DDX23: variants seen among roughly 807,000 people sequenced by gnomAD.
DDX23 encodes probable ATP-dependent RNA helicase DDX23.
Under a neutral mutation model 102.7 loss-of-function variants are expected in DDX23, and 33 were observed. The observed-to-expected ratio is 0.32, with a 90% CI of 0.24 to 0.43. The LOEUF is 0.43. Ranked by LOEUF, DDX23 falls within the 20% of genes least tolerant of loss-of-function variation. DDX23 has a pLI of 1.00. For missense variants in DDX23, 549 were observed against 1,086.6 expected, an observed-to-expected ratio of 0.51 and a Z score of 6.96; for synonymous variants, 352 against 376.0, an observed-to-expected ratio of 0.94 and a Z score of 0.74.
chr12:48,832,762 T>C lies in DDX23; in HGVS notation c.1804-189A>G. ...CCTGAGTACCTGCTCATCAAGGCAC[T>C]TTCCATCTTATGATGACAGGAAGGA... On this transcript the variant is annotated intron_variant, in intron 13 of 16. Transcript: ENST00000308025. This position sits in a 1 kb window ranked among gnomAD's most constrained non-coding sequence, Gnocchi z 4.4. The C allele has an allele frequency of 1.5e-6, 1 of 686,050 alleles. No homozygotes were observed. The highest frequency in any genetic ancestry group is 2.1e-5 in the South Asian group (1 of 47,442). 42.5% of individuals were successfully genotyped at this position (686,050 alleles called of 1,614,324 possible). A position where few individuals can be genotyped will look rare whatever the true frequency, so the allele number is the denominator to read the frequency against.
intron 6 of DDX23, 78 bp from the exon 7 acceptor site, chr12:48,837,735 G>A (rs781745373): frequency 1.3e-6 from 2 of 1,580,744 alleles, no homozygotes; most frequent in Non-Finnish European, 1.7e-6. Context: ...ATCCAGACGA[G>A]GAACCCCAAA....
chr12:48,834,034 C>T (rs941711854), intron 12 of DDX23, among the ~76,000 whole-genome samples: 4 of 152,168 alleles, frequency 2.6e-5, no homozygotes, highest in Non-Finnish European at 5.9e-5. Context: ...CAGCTCTGCC[C>T]ATTGCCAGCT....
In DDX23 at chr12:48,833,527, G is replaced by A; in HGVS notation, c.1561-8C>T. 5 of 1,613,252 alleles carry A rather than the reference G, an allele frequency of 3.1e-6. No individual in the cohort carries two copies. Among genetic ancestry groups the A allele is most frequent in the East Asian group, 2.2e-5 (1 of 44,896 alleles). On this transcript the variant is annotated splice_region_variant and splice_polypyrimidine_tract_variant and intron_variant, in intron 12 of 16. Transcript: ENST00000308025. ...AGGGGTAGCAATCACAATCTGAGGA[G>A]TACAGTATAATCATTTATAGCCCAG...
chr12:48,843,618 G>A (rs560615665), intron 3 of DDX23, among the ~76,000 whole-genome samples: 8 of 142,236 alleles, frequency 5.6e-5, no homozygotes, highest in Non-Finnish European at 9.0e-5. Flanking sequence ...GCGTGATCTC[G>A]ACTCACTGCA....
chr12:48,838,207 A>C, intron 5 of DDX23, 127 bp from the exon 6 acceptor site: 1 of 1,382,152 alleles, frequency 7.2e-7, no homozygotes, highest in Non-Finnish European at 9.9e-7. Flanking sequence ...GAAAACACAA[A>C]TAGGCCTTGG....
chr12:48,842,878 T>C (rs1336603069), intron 3 of DDX23, among the ~76,000 whole-genome samples: 4 of 151,984 alleles, frequency 2.6e-5, no homozygotes, highest in Non-Finnish European at 4.4e-5. Context: ...GGGGAAAAGA[T>C]TGAGAAATCG....
chr12:48,832,921 A>G lies in DDX23; in HGVS notation c.1804-348T>C. 2.3e-6 allele frequency: 1 copy of G among 443,748 alleles called. No homozygotes were observed. 27.5% of individuals were successfully genotyped at this position (443,748 alleles called of 1,614,324 possible). ...TACCTAGGCACACTTCATTCTAGAA[A>G]CATGTACTCTGAGCCCACCTAAGGC... On this transcript the variant is annotated intron_variant, in intron 13 of 16. Transcript: ENST00000308025. This position sits in a 1 kb window ranked among gnomAD's most constrained non-coding sequence, Gnocchi z 4.4.
chr12:48,844,572 C>G (rs1938630069), intron 2 of DDX23, among the ~76,000 whole-genome samples: 1 of 151,572 alleles, frequency 6.6e-6, no homozygotes, highest in Non-Finnish European at 1.5e-5. Context: ...AGCCACCGCG[C>G]CCGGCCACAG....
At chr12:48,831,975 C>T (rs2453471) in intron 15 of DDX23, 103 bp downstream of exon 15, 475,888 of 1,083,588 alleles carry the variant, frequency 0.44, 106,221 homozygotes, top group East Asian at 0.6. Context: ...GCTGGACAGG[C>T]TAAAGAAAGG....
In DDX23 at chr12:48,830,464, CTG is replaced by C; in HGVS notation, c.*3_*4del. 1.2e-6 allele frequency: 2 copies of C among 1,613,958 alleles called. No homozygotes were observed. Among genetic ancestry groups the C allele is most frequent in the Non-Finnish European group, 1.7e-6 (2 of 1,179,938 alleles). On this transcript the variant is annotated 3_prime_UTR_variant, in exon 17 of 17. Transcript: ENST00000308025. This position sits in a 1 kb window ranked among gnomAD's most constrained non-coding sequence, Gnocchi z 4.9. ...ATGCCCTCAGCCCACAGGAAGAGTGCTGTGTCAGGCAAAGATGGTCTCTTCCC... is the reference window on the plus strand; with the variant it reads ...ATGCCCTCAGCCCACAGGAAGAGTGCTGTCAGGCAAAGATGGTCTCTTCCC...
chr12:48,841,621 T>C (rs761435686), intron 3 of DDX23, among the ~76,000 whole-genome samples: 1 of 152,352 alleles, frequency 6.6e-6, no homozygotes, highest in Non-Finnish European at 1.5e-5. Context: ...CCGCCACGCC[T>C]GACTGGTTTT....
rs374159717 is a variant in DDX23, at chr12:48,836,885, A to C, written c.1010+9T>G. ...GCTCTGTCCAGCCACCCTAGCCTTG[A>C]TCACTCACTCCTCCTGCTCCTTTTC... On this transcript the variant is annotated intron_variant, in intron 9 of 16. Transcript: ENST00000308025. This position sits in a 1 kb window ranked among gnomAD's most constrained non-coding sequence, Gnocchi z 6.1. 4 of 1,613,678 alleles carry C rather than the reference A, an allele frequency of 2.5e-6. No individual in the cohort carries two copies. In the African/African-American group the frequency reaches 5.3e-5, roughly 22 times the overall value.
In DDX23 at chr12:48,836,070, C is replaced by T. The variant is rs764773936; in HGVS notation, c.1382+51G>A. 2.5e-6 allele frequency: 4 copies of T among 1,587,176 alleles called. No homozygotes were observed. The highest frequency in any genetic ancestry group is 2.3e-4 in the Middle Eastern group (1 of 4,416). Reference sequence around the variant, plus strand: ...AAATCAAACATTCATTTGCCACTTTCACCTTTCCTACCCAGACAAACCCAC... The same window carrying T: ...AAATCAAACATTCATTTGCCACTTTTACCTTTCCTACCCAGACAAACCCAC... On this transcript the variant is annotated intron_variant, in intron 11 of 16. Coordinates refer to ENST00000308025, the MANE Select transcript of DDX23 (RefSeq NM_004818.3). This position sits in a 1 kb window ranked among gnomAD's most constrained non-coding sequence, Gnocchi z 6.1.
At chr12:48,844,467 C>T (rs1333650695) in intron 2 of DDX23, among the ~76,000 whole-genome samples, 4 of 151,972 alleles carry the variant, frequency 2.6e-5, no homozygotes, top group Non-Finnish European at 4.4e-5. Context: ...TTAGTAGAGA[C>T]GGGGTTTTGC....
At chr12:48,834,758 A>G (rs1463978673) in intron 11 of DDX23, 7 of 309,582 alleles carry the variant, frequency 2.3e-5, no homozygotes, top group African/African-American at 1.3e-4. Context: ...ACATGGTGAA[A>G]CCCTGCCTCT....
intron 5 of DDX23, 171 bp downstream of exon 5, chr12:48,839,673 T>A (rs192658670): frequency 1.3e-3 from 793 of 633,998 alleles, no homozygotes; most frequent in Non-Finnish European, 1.8e-3. Flanking sequence ...GAAGACAGCC[T>A]TATAAGCCAA....
chr12:48,846,987 G>A (rs572438970), intron 1 of DDX23, among the ~76,000 whole-genome samples: 7 of 152,190 alleles, frequency 4.6e-5, no homozygotes, highest in East Asian at 1.9e-4. Context: ...TACATTTCTC[G>A]CAACTTATTT....
In DDX23 at chr12:48,832,190, GA is replaced by G. The variant is rs769848006; in HGVS notation, c.1956-5del. ...CAAGATTGCCAGCAGCTTTTTCCTG[GA>G]AGGAAGAGGAGAAAAACAAGATGCA... is the stretch of plus-strand genomic sequence containing the variant. On this transcript the variant is annotated splice_polypyrimidine_tract_variant and splice_region_variant and intron_variant, in intron 14 of 16. Transcript: ENST00000308025. This position sits in a 1 kb window ranked among gnomAD's most constrained non-coding sequence, Gnocchi z 4.4. The G allele has an allele frequency of 1.3e-5, 21 of 1,613,696 alleles. No homozygotes were observed. Among genetic ancestry groups the G allele is most frequent in the Non-Finnish European group, 1.7e-5 (20 of 1,179,924 alleles).
rs770205760 is a variant in DDX23, at chr12:48,836,038, A to T, written c.1382+83T>A. On this transcript the variant is annotated intron_variant, in intron 11 of 16. Transcript: ENST00000308025. This position sits in a 1 kb window ranked among gnomAD's most constrained non-coding sequence, Gnocchi z 6.1. The stretch of plus-strand genomic sequence containing the variant: ...GAAGAAAGCTTCTGATTATAGACGT[A>T]AAACAAAAATCAAACATTCATTTGC... 3 of 1,490,110 alleles carry T rather than the reference A, an allele frequency of 2.0e-6. No homozygotes were observed. The East Asian group carries it at 6.8e-5, about 34-fold the overall frequency. The allele number at this position is 1,490,110 out of a possible 1,614,324, so 92.3% of individuals were successfully genotyped here. A position where few individuals can be genotyped will look rare whatever the true frequency, so the allele number is the denominator to read the frequency against.
Sources: gnomAD v4.1 joint callset for allele counts (sites outside exome capture counted in the v4.1 genomes callset) on GRCh38, gnomAD v4.1.1 for gene constraint, Gnocchi (gnomAD v3.1) non-coding constraint, MANE v1.5 for transcripts, NCBI Gene and HGNC (gene_info 2026-07-23, HGNC 2026-07-21) for gene names.